Variants in ZNF420 observed in about 807,000 individuals in gnomAD.
ZNF420 encodes ATM and p53-associated KZNF protein.
A neutral mutation model predicts 44.7 loss-of-function variants in ZNF420; 31 were observed. That is an observed-to-expected ratio of 0.69 (90% CI 0.52 to 0.94). The LOEUF (loss-of-function observed/expected upper bound fraction) is 0.94. ZNF420 is among the 40% of genes least tolerant of loss of function. The probability of loss-of-function intolerance (pLI) is 0.00; values close to 1 mark genes in which losing one functional copy is unlikely to be tolerated. For synonymous variants in ZNF420, 245 were observed against 267.4 expected, an observed-to-expected ratio of 0.92 and a Z score of 0.82; for missense variants, 681 against 827.9, an observed-to-expected ratio of 0.82 and a Z score of 2.18.
chr19:37,081,036 A>G (rs7257853), intron 2 of ZNF420, among the ~76,000 whole-genome samples: 75,717 of 146,194 alleles, frequency 0.52, 20,372 homozygotes, highest in African/African-American at 0.62. Flanking sequence ...CAGCCTGGGC[A>G]ACAGAGCGAG....
At chr19:37,117,349 C>G (rs2146704020) in intron 4 of ZNF420, among the ~76,000 whole-genome samples, 1 of 152,316 alleles carries the variant, frequency 6.6e-6, no homozygotes, top group Non-Finnish European at 1.5e-5. Context: ...CTGCTGATAC[C>G]CAGGCAAACA....
At chr19:37,067,121 G>T (rs1967980563) in intron 1 of ZNF420, among the ~76,000 whole-genome samples, 1 of 152,172 alleles carries the variant, frequency 6.6e-6, no homozygotes, top group South Asian at 2.1e-4. Context: ...GAAAATATCA[G>T]AATGGCAGTT....
At chr19:37,075,536 T>A (rs1428604604), upstream of ZNF420, among the ~76,000 whole-genome samples, 3 of 151,804 alleles carry the variant, frequency 2.0e-5, no homozygotes, top group Non-Finnish European at 4.4e-5. Flanking sequence ...AGGTCAGGAG[T>A]TCGAGACCAG....
intron 1 of ZNF420, among the ~76,000 whole-genome samples, chr19:37,034,870 G>A (rs1171373572): frequency 6.6e-6 from 1 of 152,144 alleles, no homozygotes; most frequent in Non-Finnish European, 1.5e-5. Context: ...AAGAGGATAA[G>A]ATAAAATAAG....
chr19:37,102,462 C>T (rs1969833150), intron 4 of ZNF420, among the ~76,000 whole-genome samples: 1 of 152,210 alleles, frequency 6.6e-6, no homozygotes, highest in African/African-American at 2.4e-5. Flanking sequence ...TCCACCTAGA[C>T]ACTAGTGTGC....
intron 1 of ZNF420, among the ~76,000 whole-genome samples, chr19:37,058,012 G>A (rs1347634748): frequency 3.9e-5 from 6 of 152,044 alleles, no homozygotes; most frequent in Non-Finnish European, 8.8e-5. Context: ...TAACCCTGTC[G>A]GTGACACTGT....
At position 37,064,455 on chromosome 19, in the gene ZNF420, G is replaced by A. The variant is rs113400948; in HGVS notation, c.-124-15890G>A. Among the ~76,000 whole-genome samples the A allele has an allele frequency of 7.5e-3, 1,138 of 152,040 alleles. 5 individuals carry two copies. The highest frequency in any genetic ancestry group is 0.013 in the Non-Finnish European group (862 of 68,004). ...AACAGGTTCCTATCATTCTTTGAGC[G>A]CCCCTTACTTACACATATAAAAGAT... On this transcript the variant is annotated intron_variant, in intron 1 of 4. Transcript: ENST00000587029.
At chr19:37,056,488 TC>T (rs769488898) in intron 1 of ZNF420, among the ~76,000 whole-genome samples, 2 of 152,288 alleles carry the variant, frequency 1.3e-5, no homozygotes, top group South Asian at 2.1e-4. Context: ...CTCGCCCCTG[TC>T]CCTGTTTGCA....
intron 1 of ZNF420, among the ~76,000 whole-genome samples, chr19:37,034,049 C>T (rs1967310065): frequency 1.3e-5 from 2 of 151,944 alleles, no homozygotes; most frequent in South Asian, 4.1e-4. Flanking sequence ...GCCATGCGCC[C>T]AGCCTATGTT....
chr19:37,080,509 G>C (rs1338036866), intron 2 of ZNF420, 121 bp downstream of exon 2: 1 of 152,598 alleles, frequency 6.6e-6, no homozygotes, highest in African/African-American at 2.4e-5. Context: ...ATTTTTGGTA[G>C]ATTGAGAGCA....
In ZNF420 at chr19:37,128,528, A is replaced by T. The variant is rs1971488711; in HGVS notation, c.1537A>T (p.Thr513Ser). Residue 513 changes from threonine to serine, a missense_variant, in exon 5 of 5, where the codon ACT becomes TCT. Around this residue, in one of 3 missense-constraint regions of ZNF420, gnomAD observed 280 missense variants for 338.6 expected, o/e 0.83. Transcript: ENST00000337995. ...ATGTAAAGAATGTAGAATGGCCTTT[A>T]CTCAGAGTTCACATCTTTCCCAACA... ...YECKECRMAFTQSSHLSQHQR... is the reference protein window; with the variant it reads ...YECKECRMAFSQSSHLSQHQR... 6.2e-7 allele frequency: 1 copy of T among 1,613,964 alleles called. No homozygotes were observed.
At chr19:37,119,574 G>T (rs1239446030) in intron 4 of ZNF420, among the ~76,000 whole-genome samples, 1 of 151,934 alleles carries the variant, frequency 6.6e-6, no homozygotes, top group East Asian at 1.9e-4. Context: ...AGAAAAGCAA[G>T]AGCAAACACA....
intron 4 of ZNF420, chr19:37,106,847 TAGGGTAATAGTGGGGAG>T (rs1970116502): frequency 6.6e-6 from 1 of 152,004 alleles, no homozygotes; most frequent in Admixed American, 6.6e-5. Flanking sequence ...GGCAGGACAA[TAGGGTAATAGTGGGGAG>T]AGGGTCAGCG....
At chr19:37,061,949 A>G (rs1967886326) in intron 1 of ZNF420, among the ~76,000 whole-genome samples, 1 of 152,212 alleles carries the variant, frequency 6.6e-6, no homozygotes, top group African/African-American at 2.4e-5. Flanking sequence ...CAACTCTTTA[A>G]TTCTCAAAAA....
intron 1 of ZNF420, among the ~76,000 whole-genome samples, chr19:37,067,247 C>A (rs1480152914): frequency 6.6e-6 from 1 of 152,036 alleles, no homozygotes; most frequent in Non-Finnish European, 1.5e-5. Context: ...TTGAATCTGT[C>A]AAAATTCTTC....
chr19:37,039,502 T>C (rs145459194), intron 1 of ZNF420, among the ~76,000 whole-genome samples: 7 of 152,262 alleles, frequency 4.6e-5, no homozygotes, highest in African/African-American at 1.7e-4. Context: ...TTCTGAGCAG[T>C]AGGTCTCAAC....
At chr19:37,033,167 G>T (rs1403688292) in intron 1 of ZNF420, among the ~76,000 whole-genome samples, 4 of 152,006 alleles carry the variant, frequency 2.6e-5, no homozygotes, top group Admixed American at 2.6e-4. Context: ...TTTTAATTTT[G>T]AAAAAGCTTT....
intron 2 of ZNF420, among the ~76,000 whole-genome samples, chr19:37,087,617 T>C (rs192309104): frequency 1.4e-4 from 22 of 152,268 alleles, no homozygotes; most frequent in South Asian, 4.1e-4. Context: ...AATGTTAAAG[T>C]AAGTGGGTTG....
At chr19:37,013,889 G>GC (rs2074590523) in intron 1 of ZNF420, among the ~76,000 whole-genome samples, 1 of 152,222 alleles carries the variant, frequency 6.6e-6, no homozygotes, top group African/African-American at 2.4e-5. Flanking sequence ...ACGTGGCACT[G>GC]GCGTCCCCTA....
Sources: gnomAD v4.1 joint callset for allele counts (sites outside exome capture counted in the v4.1 genomes callset) on GRCh38, gnomAD v4.1.1 for gene constraint, gnomAD v4.1.1 regional missense constraint, MANE v1.5 for transcripts, NCBI Gene and HGNC (gene_info 2026-07-23, HGNC 2026-07-21) for gene names.